Variants in SLC26A11 observed in about 807,000 individuals in gnomAD.
The protein encoded by SLC26A11 is sodium-independent sulfate anion transporter.
Under a neutral mutation model 62.2 loss-of-function variants are expected in SLC26A11, and 58 were observed. The ratio of observed to expected loss-of-function variants is 0.93; its 90% CI spans 0.76 to 1.16. SLC26A11 has a LOEUF of 1.16. SLC26A11 is among the 50% of genes most tolerant of loss of function. The pLI, the probability that SLC26A11 is intolerant of heterozygous loss-of-function variation, is 0.00. For synonymous variants in SLC26A11, 411 were observed against 368.9 expected, an observed-to-expected ratio of 1.11 and a Z score of -1.31; for missense variants, 790 against 794.3, an observed-to-expected ratio of 0.99 and a Z score of 0.06.
intron 16 of SLC26A11, among the ~76,000 whole-genome samples, chr17:80,249,734 C>G (rs529574226): frequency 6.7e-6 from 1 of 148,622 alleles, no homozygotes; most frequent in Non-Finnish European, 1.5e-5. Flanking sequence ...GGTGAAACCC[C>G]GTCTCTACTA....
Position 80,223,125 on chromosome 17 carries a change from CA to C in SLC26A11, c.428-126del. On this transcript the variant is annotated intron_variant, in intron 4 of 17. Transcript: ENST00000361193. This position sits in a 1 kb window ranked among gnomAD's most constrained non-coding sequence, Gnocchi z 4.6. ...ACAGCCAAACAGGGTGTGTTACCCC[CA>C]GTCCTTAGCTGCGGTATCTGCTCCC... 1.1e-6 allele frequency: 1 copy of C among 890,582 alleles called. No homozygotes were observed. The highest frequency in any genetic ancestry group is 1.8e-6 in the Non-Finnish European group (1 of 553,256). 55.2% of individuals were successfully genotyped at this position (890,582 alleles called of 1,614,324 possible). A position where few individuals can be genotyped will look rare whatever the true frequency, so the allele number is the denominator to read the frequency against.
At chr17:80,244,061 A>G (rs2042933343) in intron 10 of SLC26A11, among the ~76,000 whole-genome samples, 1 of 152,146 alleles carries the variant, frequency 6.6e-6, no homozygotes, top group Non-Finnish European at 1.5e-5. Flanking sequence ...GAGCTGGGCC[A>G]TGTCACCCGG....
At chr17:80,236,072 G>T (rs1015708276) in intron 7 of SLC26A11, among the ~76,000 whole-genome samples, 1 of 152,130 alleles carries the variant, frequency 6.6e-6, no homozygotes, top group African/African-American at 2.4e-5. Flanking sequence ...CCAGGCCTTG[G>T]GCTAATCTTC....
chr17:80,249,403 G>A (rs995887966), intron 16 of SLC26A11, 116 bp downstream of exon 16: 26 of 1,361,114 alleles, frequency 1.9e-5, no homozygotes, highest in Admixed American at 4.3e-5. Context: ...CCCTTCGGCC[G>A]GTGCTGGCTC....
intron 8 of SLC26A11, 112 bp downstream of exon 8, chr17:80,237,215 A>C (rs1391965705): frequency 7.8e-7 from 1 of 1,274,714 alleles, no homozygotes; most frequent in Non-Finnish European, 1.1e-6. Context: ...CAGTTAGGAC[A>C]GCTGAGTCCT....
At chr17:80,247,950 C>A (rs745338529) in intron 13 of SLC26A11, among the ~76,000 whole-genome samples, 180 bp from the exon 14 acceptor site, 1 of 152,228 alleles carries the variant, frequency 6.6e-6, no homozygotes, top group Non-Finnish European at 1.5e-5. Flanking sequence ...GCATTTCTTT[C>A]TTTCGACTTG....
chr17:80,241,608 CAT>C (rs766087433), intron 9 of SLC26A11, among the ~76,000 whole-genome samples, 161 bp from the exon 10 acceptor site: 1 of 152,200 alleles, frequency 6.6e-6, no homozygotes, highest in Admixed American at 6.5e-5. Context: ...CATTCAAGCA[CAT>C]GTTTACACGC....
chr17:80,251,943 T>C (rs567471089), intron 17 of SLC26A11, among the ~76,000 whole-genome samples: 2 of 152,190 alleles, frequency 1.3e-5, no homozygotes, highest in South Asian at 2.1e-4. Flanking sequence ...ACATTTTTCA[T>C]GCAGAAGGTT....
At chr17:80,247,069 A>T (rs1240111335) in intron 13 of SLC26A11, among the ~76,000 whole-genome samples, 158 of 143,332 alleles carry the variant, frequency 1.1e-3, no homozygotes, top group African/African-American at 2.6e-3. Context: ...TTTTTTTTTT[A>T]TTATTATTTT....
intron 6 of SLC26A11, among the ~76,000 whole-genome samples, chr17:80,227,609 A>G (rs964942383): frequency 6.6e-6 from 1 of 152,212 alleles, no homozygotes; most frequent in Non-Finnish European, 1.5e-5. Context: ...AAAGTTCCTG[A>G]GCTTTAGTTA....
chr17:80,246,361 G>A lies in SLC26A11; in HGVS notation c.1154-148G>A. On this transcript the variant is annotated intron_variant, in intron 12 of 17. Transcript: ENST00000361193. The surrounding 1 kb of genome is among the most constrained non-coding windows in gnomAD (Gnocchi z 4.4). Reference sequence around the variant, plus strand: ...GCCACACAGGAGTAGGGGGACCACAGGAGACTGAGCAGGGGCTGGGGGCCT... The same window carrying A: ...GCCACACAGGAGTAGGGGGACCACAAGAGACTGAGCAGGGGCTGGGGGCCT... 3.5e-6 allele frequency: 5 copies of A among 1,415,560 alleles called. No homozygotes were observed. The highest frequency in any genetic ancestry group is 4.8e-6 in the Non-Finnish European group (5 of 1,048,666). The allele number at this position is 1,415,560 out of a possible 1,614,324, so 87.7% of individuals were successfully genotyped here.
chr17:80,224,166 G>GGAGAGTGTGTGAGA (rs1555626008), intron 5 of SLC26A11, among the ~76,000 whole-genome samples: 3 of 150,538 alleles, frequency 2.0e-5, no homozygotes, highest in Admixed American at 6.7e-5. Flanking sequence ...ACCAAGGACA[G>GGAGAGTGTGTGAGA]GAGAGTGTGT....
rs557738093 is a variant in SLC26A11, at chr17:80,246,615, C to T, written c.1260C>T (p.Asp420=). 22 of 1,614,004 alleles carry T rather than the reference C, an allele frequency of 1.4e-5. No homozygotes were observed. The East Asian group carries it at 4.5e-4, about 33-fold the overall frequency. Residue 420 remains aspartate, a synonymous_variant, in exon 13 of 18, where the codon GAC becomes GAT. Transcript: ENST00000361193. The surrounding 1 kb of genome is among the most constrained non-coding windows in gnomAD (Gnocchi z 4.4). ...VIIMAVAPLF[D]TKIFRTLWRV... ...TCATGGCCGTGGCCCCGCTGTTCGA[C>T]ACCAAGATCTTCAGGACGCTCTGGC...
chr17:80,222,506 GCAGGTCCA>G lies in SLC26A11; in HGVS notation c.235-147_235-140del. ...CTAAAAAAGTGGCCTCCTGATCACT[GCAGGTCCA>G]CCCACAGGGCAGGGCGGTGCACCTT... On this transcript the variant is annotated intron_variant, in intron 3 of 17. Transcript: ENST00000361193. This position sits in a 1 kb window ranked among gnomAD's most constrained non-coding sequence, Gnocchi z 4.7. 1.3e-6 allele frequency: 1 copy of G among 774,028 alleles called. No homozygotes were observed. Among genetic ancestry groups the G allele is most frequent in the South Asian group, 1.8e-5 (1 of 56,742 alleles). 47.9% of individuals were successfully genotyped at this position (774,028 alleles called of 1,614,324 possible). A position where few individuals can be genotyped will look rare whatever the true frequency, so the allele number is the denominator to read the frequency against.
chr17:80,221,874 G>A (rs1281205498), intron 3 of SLC26A11, 80 bp downstream of exon 3: 4 of 1,386,224 alleles, frequency 2.9e-6, no homozygotes, highest in Admixed American at 2.3e-5. Flanking sequence ...CACCATCAGC[G>A]ATTCCAGGTT....
intron 17 of SLC26A11, among the ~76,000 whole-genome samples, chr17:80,251,694 C>T (rs900047669): frequency 7.3e-5 from 11 of 150,782 alleles, no homozygotes; most frequent in Admixed American, 2.0e-4. Context: ...ACCCAGGAGG[C>T]AGAGGTTGTA....
intron 8 of SLC26A11, 129 bp from the exon 9 acceptor site, chr17:80,237,393 G>A (rs916206796): frequency 1.9e-5 from 17 of 906,198 alleles, no homozygotes; most frequent in South Asian, 1.4e-4. Context: ...ACAAGGAGGC[G>A]GATCCTGCAG....
At chr17:80,224,186 T>TGTGTGAGA (rs1192859899) in intron 5 of SLC26A11, among the ~76,000 whole-genome samples, 2 of 106,520 alleles carry the variant, frequency 1.9e-5, no homozygotes, top group African/African-American at 9.5e-5. Context: ...TGTGAGAGTG[T>TGTGTGAGA]GTATGAGTGT....
intron 7 of SLC26A11, among the ~76,000 whole-genome samples, chr17:80,229,290 G>T (rs1229340051): frequency 6.6e-6 from 1 of 152,122 alleles, no homozygotes; most frequent in Non-Finnish European, 1.5e-5. Context: ...TGCAGAGGAT[G>T]CTGGGTTTAG....
Sources: allele counts gnomAD v4.1 joint callset (sites outside exome capture counted in the v4.1 genomes callset), GRCh38; gene constraint gnomAD v4.1.1; non-coding constraint Gnocchi (gnomAD v3.1); transcripts MANE v1.5; gene names NCBI Gene and HGNC (gene_info 2026-07-23, HGNC 2026-07-21).